COL22A1: variants seen among roughly 807,000 people sequenced by gnomAD.
The protein encoded by COL22A1 is collagen type XXII alpha 1 chain, also known as collagen alpha-1(XXII) chain.
A neutral mutation model predicts 248.9 loss-of-function variants in COL22A1; 221 were observed. The observed-to-expected ratio is 0.89, with a 90% CI of 0.80 to 0.99. The LOEUF is 0.99. COL22A1 is among the 50% of genes least tolerant of loss of function. The probability of loss-of-function intolerance (pLI) is 0.00; values close to 1 mark genes in which losing one functional copy is unlikely to be tolerated. For synonymous variants in COL22A1, 891 were observed against 793.4 expected, an observed-to-expected ratio of 1.12 and a Z score of -2.07; for missense variants, 2,240 against 2,179.0, an observed-to-expected ratio of 1.03 and a Z score of -0.56.
intron 30 of COL22A1, among the ~76,000 whole-genome samples, chr8:138,714,672 A>G (rs1273090756): frequency 3.3e-5 from 5 of 152,134 alleles, no homozygotes; most frequent in Non-Finnish European, 7.3e-5. Context: ...TCCACTGTCC[A>G]TTTTGATTGT....
intron 16 of COL22A1, among the ~76,000 whole-genome samples, chr8:138,773,838 T>C (rs1166657792): frequency 6.6e-6 from 1 of 152,218 alleles, no homozygotes; most frequent in Non-Finnish European, 1.5e-5. Flanking sequence ...TCTGTCTGAA[T>C]CACTGCTGAG....
At chr8:138,638,595 C>T (rs368961047) in intron 47 of COL22A1, among the ~76,000 whole-genome samples, 3 of 152,058 alleles carry the variant, frequency 2.0e-5, no homozygotes, top group African/African-American at 7.2e-5. Context: ...TAGGTGAGCT[C>T]ATATCTGTGA....
At chr8:138,896,460 C>T (rs1366686985) in intron 1 of COL22A1, among the ~76,000 whole-genome samples, 1 of 151,952 alleles carries the variant, frequency 6.6e-6, no homozygotes, top group Non-Finnish European at 1.5e-5. Flanking sequence ...TACCTAGAAG[C>T]AACCACTAAA....
intron 41 of COL22A1, among the ~76,000 whole-genome samples, chr8:138,668,584 A>G (rs1267819056): frequency 6.6e-6 from 1 of 152,174 alleles, no homozygotes; most frequent in African/African-American, 2.4e-5. Context: ...TGTTCTAAAA[A>G]CCAGCTTCCC....
chr8:138,911,359 T>TAAGCTATGACTTCTATTCCC (rs1234406857), intron 1 of COL22A1, among the ~76,000 whole-genome samples: 4 of 152,240 alleles, frequency 2.6e-5, no homozygotes, highest in Non-Finnish European at 5.9e-5. Context: ...TCCTTCCACA[T>TAAGCTATGACTTCTATTCCC]AAGCTATGAC....
At chr8:138,795,262 T>C (rs906140536) in intron 12 of COL22A1, among the ~76,000 whole-genome samples, 1 of 152,134 alleles carries the variant, frequency 6.6e-6, no homozygotes, top group Non-Finnish European at 1.5e-5. Flanking sequence ...AATGGAGACA[T>C]GAACTACATC....
chr8:138,635,458 A>G (rs550230702), intron 48 of COL22A1, among the ~76,000 whole-genome samples: 1 of 152,346 alleles, frequency 6.6e-6, no homozygotes, highest in Admixed American at 6.5e-5. Context: ...AACATAAAAA[A>G]CAAATAAATG....
At chr8:138,685,359 G>A (rs752461157) in intron 37 of COL22A1, 47 bp from the exon 38 acceptor site, 23 of 1,524,322 alleles carry the variant, frequency 1.5e-5, no homozygotes, top group South Asian at 4.6e-5. Flanking sequence ...CACTCAGCAC[G>A]AAGCTTTTCT....
At chr8:138,642,679 A>G (rs544108695) in intron 47 of COL22A1, among the ~76,000 whole-genome samples, 2 of 152,338 alleles carry the variant, frequency 1.3e-5, no homozygotes, top group Admixed American at 1.3e-4. Context: ...AAAACAGTCC[A>G]TACTTAATGG....
chr8:138,751,389 C>T, intron 22 of COL22A1, 69 bp downstream of exon 22: 1 of 1,078,146 alleles, frequency 9.3e-7, no homozygotes, highest in Non-Finnish European at 1.4e-6. Context: ...ATCTTCTCTG[C>T]ATGGCATTAT....
intron 5 of COL22A1, chr8:138,827,242 TC>T (rs1325943312): frequency 6.0e-6 from 1 of 166,676 alleles, no homozygotes; most frequent in Non-Finnish European, 1.3e-5. Context: ...TCTTCCTAAA[TC>T]CATATGTTGA....
chr8:138,718,810 G>A (rs1829643369), intron 27 of COL22A1, among the ~76,000 whole-genome samples: 1 of 152,212 alleles, frequency 6.6e-6, no homozygotes, highest in African/African-American at 2.4e-5. Flanking sequence ...AGATAAAGCA[G>A]TAGGCTTCTC....
At chr8:138,868,512 TAAG>T (rs1457921520) in intron 3 of COL22A1, among the ~76,000 whole-genome samples, 2 of 152,162 alleles carry the variant, frequency 1.3e-5, no homozygotes, top group African/African-American at 4.8e-5. Flanking sequence ...ATTTAAAAGT[TAAG>T]AAACACTGTG....
At chr8:138,726,728 A>G (rs1256295884) in intron 23 of COL22A1, among the ~76,000 whole-genome samples, 1 of 152,132 alleles carries the variant, frequency 6.6e-6, no homozygotes, top group Non-Finnish European at 1.5e-5. Context: ...GCTGCTGTTG[A>G]AGGTATTGCG....
At chr8:138,822,870 C>T (rs1240803977) in intron 6 of COL22A1, among the ~76,000 whole-genome samples, 1 of 152,206 alleles carries the variant, frequency 6.6e-6, no homozygotes, top group Non-Finnish European at 1.5e-5. Context: ...TCACCATCTC[C>T]TCCCCGTTCC....
intron 17 of COL22A1, among the ~76,000 whole-genome samples, chr8:138,761,022 A>G (rs560892826): frequency 6.6e-6 from 1 of 152,146 alleles, no homozygotes; most frequent in African/African-American, 2.4e-5. Context: ...ATAGGAAAAG[A>G]TCCTAAGGAC....
At chr8:138,858,246 G>T (rs927005041) in intron 3 of COL22A1, among the ~76,000 whole-genome samples, 2 of 152,212 alleles carry the variant, frequency 1.3e-5, no homozygotes, top group Non-Finnish European at 2.9e-5. Context: ...GCTCTTCAGG[G>T]TTCTAATGGG....
chr8:138,657,619 A>T (rs572757518), intron 44 of COL22A1, among the ~76,000 whole-genome samples: 1 of 152,298 alleles, frequency 6.6e-6, no homozygotes, highest in South Asian at 2.1e-4. Flanking sequence ...ATGTGGATGG[A>T]GGCAGTGGCC....
intron 41 of COL22A1, among the ~76,000 whole-genome samples, chr8:138,673,596 G>A (rs1434273666): frequency 2.0e-5 from 3 of 152,126 alleles, no homozygotes; most frequent in African/African-American, 7.2e-5. Flanking sequence ...TCCTGCCGAA[G>A]CCACAAAGCG....
Sources: allele counts gnomAD v4.1 joint callset (sites outside exome capture counted in the v4.1 genomes callset), GRCh38; gene constraint gnomAD v4.1.1; transcripts MANE v1.5; gene names NCBI Gene and HGNC (gene_info 2026-07-23, HGNC 2026-07-21).